The following THOC2 variants were observed in gnomAD, a reference collection of about 807,000 sequenced individuals.
The protein encoded by THOC2 is THO complex 2.
Under a neutral mutation model 128.4 loss-of-function variants are expected in THOC2, and 10 were observed. That is an observed-to-expected ratio of 0.08 (90% CI 0.05 to 0.13). The LOEUF (loss-of-function observed/expected upper bound fraction) is 0.13, where lower values mean the gene tolerates loss of function less well. Among genes scored for constraint, THOC2 ranks in the 10% least tolerant of loss-of-function variants. The pLI, the probability that THOC2 is intolerant of heterozygous loss-of-function variation, is 1.00. For missense variants in THOC2, 535 were observed against 1,155.7 expected, an observed-to-expected ratio of 0.46 and a Z score of 7.79; for synonymous variants, 393 against 396.9, an observed-to-expected ratio of 0.99 and a Z score of 0.12.
At chrX:123,692,494 CTTTTTTTTTT>C (rs984272905) in intron 7 of THOC2, among the ~76,000 whole-genome samples, 1 of 56,912 alleles carries the variant, frequency 1.8e-5, no homozygotes, top group East Asian at 7.4e-4. Context: ...AAATAACTGC[CTTTTTTTTTT>C]TTTTTTTTTT....
rs756619274 is a variant in THOC2, at chrX:123,675,826, G to A, written c.769-4065C>T. Among the ~76,000 whole-genome samples, 5 of 111,770 alleles carry A rather than the reference G, an allele frequency of 4.5e-5. No individual in the cohort carries two copies. In the South Asian group the frequency reaches 1.9e-3, roughly 42 times the overall value. On this transcript the variant is annotated intron_variant, in intron 8 of 38. Transcript: ENST00000245838. ...TTGTAAAGTTTGTATTCTTCATCAC[G>A]TGTGGCCACTTGAATCTATGTTCTG...
intron 8 of THOC2, among the ~76,000 whole-genome samples, chrX:123,679,886 T>C (rs1476755951): frequency 8.9e-6 from 1 of 112,255 alleles, no homozygotes. Context: ...GGCAGCATGC[T>C]TGTTAAGAGT....
chrX:123,630,597 A>C (rs1386964868), intron 22 of THOC2, among the ~76,000 whole-genome samples: 1 of 86,495 alleles, frequency 1.2e-5, no homozygotes, highest in Non-Finnish European at 2.1e-5. Flanking sequence ...TGGAAGACAG[A>C]GCGAGACTCC....
chrX:123,612,963 C>T (rs1408947365), intron 36 of THOC2, among the ~76,000 whole-genome samples: 1 of 111,607 alleles, frequency 9.0e-6, no homozygotes, highest in East Asian at 2.8e-4. Context: ...AAGTATCAAA[C>T]AAATGAGTTT....
intron 9 of THOC2, among the ~76,000 whole-genome samples, chrX:123,668,595 C>T (rs1330970597): frequency 2.7e-5 from 3 of 111,700 alleles, no homozygotes; most frequent in Non-Finnish European, 3.8e-5. Flanking sequence ...TGATGTTTTC[C>T]GTTGAATTTA....
chrX:123,625,105 G>T (rs1267691626), intron 25 of THOC2, among the ~76,000 whole-genome samples: 1 of 110,847 alleles, frequency 9.0e-6, no homozygotes, highest in African/African-American at 3.3e-5. Context: ...GTTTTGTTTT[G>T]TTTTGAGACT....
intron 8 of THOC2, among the ~76,000 whole-genome samples, chrX:123,684,686 C>G (rs2049934319): frequency 8.9e-6 from 1 of 112,284 alleles, no homozygotes. Context: ...CTGCACCCAG[C>G]CGCCACTGCT....
chrX:123,610,843 T>A (rs2046675025), intron 38 of THOC2, 75 bp downstream of exon 38: 1 of 919,668 alleles, frequency 1.1e-6, no homozygotes, highest in Non-Finnish European at 1.5e-6. Flanking sequence ...GTAAAATGCA[T>A]CTAGTTTTTC....
intron 15 of THOC2, among the ~76,000 whole-genome samples, chrX:123,641,066 T>C (rs1047356521): frequency 9.8e-5 from 11 of 111,768 alleles, no homozygotes; most frequent in African/African-American, 3.6e-4. Context: ...TACTGTGTTA[T>C]CTGTAAACTT....
intron 12 of THOC2, among the ~76,000 whole-genome samples, chrX:123,663,866 C>A (rs1185810059): frequency 9.0e-6 from 1 of 111,074 alleles, no homozygotes; most frequent in East Asian, 2.8e-4. Context: ...TGAGAACATG[C>A]GGTGTTTGGT....
chrX:123,620,130 T>C (rs1387635651), intron 32 of THOC2: 4 of 111,411 alleles, frequency 3.6e-5, no homozygotes, highest in African/African-American at 1.3e-4. Flanking sequence ...AATTCAAAGA[T>C]TCCATGAAAT....
intron 12 of THOC2, among the ~76,000 whole-genome samples, chrX:123,660,856 C>T (rs1180301455): frequency 8.9e-6 from 1 of 112,028 alleles, no homozygotes; most frequent in Admixed American, 9.5e-5. Context: ...TACCTGCACT[C>T]TCATGTTTAT....
intron 3 of THOC2, among the ~76,000 whole-genome samples, chrX:123,703,823 G>A (rs1274072039): frequency 1.1e-5 from 1 of 94,029 alleles, no homozygotes; most frequent in African/African-American, 4.1e-5. Flanking sequence ...CCCGGGAGGT[G>A]GAAGCTGCAG....
intron 12 of THOC2, among the ~76,000 whole-genome samples, chrX:123,656,330 T>TAAA (rs758091588): frequency 5.0e-4 from 19 of 37,950 alleles, no homozygotes; most frequent in Admixed American, 1.5e-3. Context: ...AGACTCCGTC[T>TAAA]AAAAAAAAAA....
intron 28 of THOC2, 162 bp from the exon 29 acceptor site, chrX:123,623,445 C>A: frequency 1.6e-6 from 1 of 615,360 alleles, no homozygotes; most frequent in Non-Finnish European, 2.4e-6. Flanking sequence ...TTATAGAACG[C>A]CCAGCTTTCT....
chrX:123,704,314 A>T (rs1160776894), intron 3 of THOC2, among the ~76,000 whole-genome samples: 2 of 111,976 alleles, frequency 1.8e-5, no homozygotes, highest in African/African-American at 6.5e-5. Context: ...TCTTGAAAAT[A>T]CAAAACCAGC....
At chrX:123,684,406 G>A (rs969427365) in intron 8 of THOC2, among the ~76,000 whole-genome samples, 3 of 111,610 alleles carry the variant, frequency 2.7e-5, no homozygotes, top group Non-Finnish European at 3.8e-5. Flanking sequence ...TTTCTGAGAC[G>A]GAGTTTTACT....
rs200957726 is a variant in THOC2 at position 123,613,620 on chromosome X, T to C, written c.4519+19A>G. 11 of 1,205,797 alleles carry C rather than the reference T, an allele frequency of 9.1e-6. No homozygotes were observed. The highest frequency in any genetic ancestry group is 3.5e-5 in the African/African-American group (2 of 57,085). ...TTCACTTCGATGATATCTTCAAAGATATGAATAAGTCTACCTACTTGTTCC... is the reference window on the plus strand; with the variant it reads ...TTCACTTCGATGATATCTTCAAAGACATGAATAAGTCTACCTACTTGTTCC... On this transcript the variant is annotated intron_variant, in intron 35 of 38. Transcript: ENST00000245838.
chrX:123,686,431 T>C (rs2050004756), intron 8 of THOC2, 117 bp downstream of exon 8: 1 of 531,611 alleles, frequency 1.9e-6, no homozygotes, highest in Non-Finnish European at 2.9e-6. Context: ...TTTATCTATC[T>C]CTTCTGCTAG....
Sources: gnomAD v4.1 joint callset for allele counts (sites outside exome capture counted in the v4.1 genomes callset) on GRCh38, gnomAD v4.1.1 for gene constraint, MANE v1.5 for transcripts, NCBI Gene and HGNC (gene_info 2026-07-23, HGNC 2026-07-21) for gene names.